Variants in AIM2 observed in about 807,000 individuals in gnomAD.
AIM2 encodes interferon-inducible protein AIM2.
AIM2 carries 30 observed loss-of-function variants against 27.7 expected under a neutral mutation model. That is an observed-to-expected ratio of 1.08 (90% CI 0.81 to 1.47). The LOEUF (loss-of-function observed/expected upper bound fraction) is 1.47. AIM2 is among the 40% of genes most tolerant of loss of function. The pLI is 0.00. For missense variants in AIM2, 358 were observed against 411.3 expected (o/e 0.87, Z 1.12); for synonymous variants, 141 against 145.3 (o/e 0.97, Z 0.21).
intron 1 of AIM2, among the ~76,000 whole-genome samples, chr1:159,108,501 C>G (rs1172142407): frequency 2.0e-5 from 3 of 152,130 alleles, no homozygotes; most frequent in South Asian, 2.1e-4. Flanking sequence ...GATGCCCACT[C>G]TCACCACTCC....
intron 1 of AIM2, chr1:159,132,185 T>C (rs565084123): frequency 9.7e-6 from 1 of 102,794 alleles, no homozygotes; most frequent in South Asian, 3.2e-4. Context: ...CCATCTCTAC[T>C]AGAAATACCA....
At chr1:159,092,263 G>A (rs555022326) in intron 1 of AIM2, among the ~76,000 whole-genome samples, 1 of 152,164 alleles carries the variant, frequency 6.6e-6, no homozygotes, top group African/African-American at 2.4e-5. Context: ...TCACCATGTT[G>A]CATAAGCTGA....
At chr1:159,104,993 T>A in intron 1 of AIM2, among the ~76,000 whole-genome samples, 2 of 152,230 alleles carry the variant, frequency 1.3e-5, no homozygotes, top group East Asian at 3.9e-4. Context: ...GTGGCACCTT[T>A]GCCTGAGTCT....
intron 1 of AIM2, among the ~76,000 whole-genome samples, chr1:159,092,204 G>C (rs1053411364): frequency 2.0e-5 from 3 of 152,140 alleles, no homozygotes; most frequent in Non-Finnish European, 4.4e-5. Flanking sequence ...AATATTATCT[G>C]AACATGCAAA....
intron 1 of AIM2, among the ~76,000 whole-genome samples, chr1:159,112,402 C>T (rs1008677723): frequency 4.6e-5 from 7 of 152,134 alleles, no homozygotes; most frequent in African/African-American, 1.7e-4. Flanking sequence ...CTTGCATGCA[C>T]CTCATTAAAT....
At chr1:159,105,596 T>TAC (rs1657422090) in intron 1 of AIM2, among the ~76,000 whole-genome samples, 1 of 152,132 alleles carries the variant, frequency 6.6e-6, no homozygotes, top group African/African-American at 2.4e-5. Flanking sequence ...GTAGCTCCTA[T>TAC]ACACAGGCAG....
Position 159,073,239 on chromosome 1 carries a change from T to TTTCTGC in AIM2, c.260_261insGCAGAA (p.Lys87_Val88insGlnLys). 1 of 1,614,092 alleles carries TTTCTGC rather than the reference T, an allele frequency of 6.2e-7. No homozygotes were observed. The highest frequency in any genetic ancestry group is 8.5e-7 in the Non-Finnish European group (1 of 1,179,938). On this transcript the variant is annotated inframe_insertion and splice_region_variant, in exon 2 of 6. Transcript: ENST00000368130. ...GCAGGTGTGGAACTCCCACATTACCTTTCTCCTTCTCCTCCTGAAGACGTT... is the reference window on the plus strand; with the variant it reads ...GCAGGTGTGGAACTCCCACATTACCTTTCTGCTTCTCCTTCTCCTCCTGAAGACGTT...
intron 1 of AIM2, chr1:159,132,225 G>A (rs547161642): frequency 2.1e-4 from 32 of 151,476 alleles, no homozygotes; most frequent in African/African-American, 7.5e-4. Flanking sequence ...GAAAATAGCT[G>A]GGAGTGGTGG....
At chr1:159,083,550 A>G (rs1278395359) in intron 1 of AIM2, among the ~76,000 whole-genome samples, 1 of 152,162 alleles carries the variant, frequency 6.6e-6, no homozygotes, top group Non-Finnish European at 1.5e-5. Flanking sequence ...TAGCTCTACT[A>G]AATGCTCATT....
At position 159,062,701 on chromosome 1, in the gene AIM2, T is replaced by C. The variant is rs773681753; in HGVS notation, c.1023A>G (p.Lys341=). 1.9e-6 allele frequency: 3 copies of C among 1,613,950 alleles called. No individual in the cohort carries two copies. The highest frequency in any genetic ancestry group is 2.2e-5 in the East Asian group (1 of 44,882). Residue 341 remains lysine, a synonymous_variant, in exon 6 of 6, where the codon AAA becomes AAG. Transcript: ENST00000368130. ...HSTIKVIKAK[K]KT ...GGTCCTTTTTACTTCTCTATGTTTT[T>C]TTTTTGGCCTTAATAACCTGGATGG...
chr1:159,076,343 T>G (rs904775048), intron 1 of AIM2, among the ~76,000 whole-genome samples: 1 of 152,196 alleles, frequency 6.6e-6, no homozygotes, highest in Non-Finnish European at 1.5e-5. Context: ...TCTGTTAACT[T>G]AAAAAATGCT....
chr1:159,138,613 G>C (rs1214970876), intron 1 of AIM2, among the ~76,000 whole-genome samples: 1 of 152,170 alleles, frequency 6.6e-6, no homozygotes, highest in African/African-American at 2.4e-5. Context: ...ATGGGAAGTG[G>C]CATGAAGTGG....
intron 1 of AIM2, among the ~76,000 whole-genome samples, chr1:159,105,595 A>G (rs1431629981): frequency 1.3e-5 from 2 of 152,160 alleles, no homozygotes; most frequent in African/African-American, 4.8e-5. Context: ...GGTAGCTCCT[A>G]TACACAGGCA....
chr1:159,138,901 T>A (rs1372061400), intron 1 of AIM2, among the ~76,000 whole-genome samples: 1 of 152,256 alleles, frequency 6.6e-6, no homozygotes, highest in Non-Finnish European at 1.5e-5. Context: ...TACAGTGAAG[T>A]GACTTCATAA....
At chr1:159,091,459 G>A (rs1657041388) in intron 1 of AIM2, among the ~76,000 whole-genome samples, 1 of 152,196 alleles carries the variant, frequency 6.6e-6, no homozygotes, top group African/African-American at 2.4e-5. Flanking sequence ...GCAGTGAAGA[G>A]GAGGAGAAAC....
At chr1:159,117,827 C>T (rs1172608391) in intron 1 of AIM2, among the ~76,000 whole-genome samples, 1 of 151,980 alleles carries the variant, frequency 6.6e-6, no homozygotes, top group Non-Finnish European at 1.5e-5. Flanking sequence ...TTGTTTCCTG[C>T]TTTATTACAA....
At chr1:159,081,107 T>TA (rs2101999236), upstream of AIM2, 1 of 228,298 alleles carries the variant, frequency 4.4e-6, no homozygotes, top group Non-Finnish European at 1.0e-5. Context: ...AATGTACACA[T>TA]AAATATCACA....
At position 159,073,311 on chromosome 1, in the gene AIM2, C is replaced by A; in HGVS notation, c.189G>T (p.Met63Ile). The change falls in exon 2 of 6, where the codon ATG (methionine) becomes ATT (isoleucine). Residue 63 changes from methionine to isoleucine, a missense_variant. Physicochemically the swap from Met to Ile is conservative, Grantham distance 10 (BLOSUM62 1). Coordinates refer to ENST00000368130, the MANE Select transcript of AIM2 (RefSeq NM_004833.3). ...ACTTCTGAAAAATACGAATGGTCTT[C>A]ATCACTGCAGACACCGCCCCAGCAT... ...IQNAGAVSAV[M>I]KTIRIFQKLN... is the part of the protein sequence containing the mutation. 6.2e-7 allele frequency: 1 copy of A among 1,614,172 alleles called. No individual in the cohort carries two copies. Among genetic ancestry groups the A allele is most frequent in the East Asian group, 2.2e-5 (1 of 44,876 alleles).
intron 1 of AIM2, among the ~76,000 whole-genome samples, chr1:159,114,255 T>G (rs935039947): frequency 3.3e-5 from 5 of 151,840 alleles, no homozygotes; most frequent in Admixed American, 6.6e-5. Context: ...AGAATGCAAA[T>G]AAGGGGAAAA....
Sources: gnomAD v4.1 joint callset for allele counts (sites outside exome capture counted in the v4.1 genomes callset) on GRCh38, gnomAD v4.1.1 for gene constraint, MANE v1.5 for transcripts, NCBI Gene and HGNC (gene_info 2026-07-23, HGNC 2026-07-21) for gene names.